RBMS3: variants seen among roughly 807,000 people sequenced by gnomAD.
RBMS3 encodes the protein RNA-binding motif, single-stranded-interacting protein 3.
RBMS3 carries 27 observed loss-of-function variants against 66.8 expected under a neutral mutation model. That is an observed-to-expected ratio of 0.40 (90% confidence interval 0.30 to 0.56). RBMS3 has a LOEUF of 0.56. RBMS3 is among the 20% of genes least tolerant of loss of function. The pLI, the probability that RBMS3 is intolerant of heterozygous loss-of-function variation, is 0.40. For missense variants in RBMS3, 513 were observed against 549.5 expected, an observed-to-expected ratio of 0.93 and a Z score of 0.66; for synonymous variants, 188 against 183.0, an observed-to-expected ratio of 1.03 and a Z score of -0.22.
intron 6 of RBMS3, among the ~76,000 whole-genome samples, chr3:29,781,535 G>A (rs1214593936): frequency 6.6e-5 from 10 of 152,044 alleles, no homozygotes; most frequent in Admixed American, 6.6e-4. Context: ...AAAAATTTTG[G>A]TATTATTAAT....
chr3:29,293,597 T>A (rs1325017545), intron 1 of RBMS3, among the ~76,000 whole-genome samples: 1 of 151,868 alleles, frequency 6.6e-6, no homozygotes, highest in East Asian at 1.9e-4. Flanking sequence ...CCAAATTCAT[T>A]GTATGCATTT....
At chr3:29,328,168 G>A (rs1420058751) in intron 1 of RBMS3, among the ~76,000 whole-genome samples, 1 of 152,078 alleles carries the variant, frequency 6.6e-6, no homozygotes, top group Non-Finnish European at 1.5e-5. Flanking sequence ...AACGTGGCAC[G>A]TTTAAATAGT....
intron 3 of RBMS3, among the ~76,000 whole-genome samples, chr3:29,543,088 C>T (rs1576175512): frequency 6.6e-6 from 1 of 152,088 alleles, no homozygotes; most frequent in Non-Finnish European, 1.5e-5. Context: ...GAGACCACCA[C>T]ATATGGGGAA....
At chr3:29,376,317 C>T (rs763146641) in intron 1 of RBMS3, among the ~76,000 whole-genome samples, 3 of 152,140 alleles carry the variant, frequency 2.0e-5, no homozygotes, top group Non-Finnish European at 4.4e-5. Flanking sequence ...ATGTAACACA[C>T]CTGCACATCC....
chr3:29,383,328 T>A (rs1320545289), intron 1 of RBMS3, among the ~76,000 whole-genome samples: 1 of 152,242 alleles, frequency 6.6e-6, no homozygotes, highest in East Asian at 1.9e-4. Flanking sequence ...TAGGAAGAAT[T>A]ACAATGCAGA....
intron 4 of RBMS3, among the ~76,000 whole-genome samples, chr3:29,734,995 T>G (rs2054315880): frequency 6.6e-6 from 1 of 152,118 alleles, no homozygotes; most frequent in Non-Finnish European, 1.5e-5. Context: ...TCCAGAGCAT[T>G]TAAATGTCAT....
chr3:29,435,328 C>T lies in RBMS3; in HGVS notation c.248+413C>T, dbSNP rs188512176. On this transcript the variant is annotated intron_variant, in intron 2 of 14. Transcript: ENST00000383767. ...GATTTCAGGATTACCTCTTGTGTTA[C>T]AAAGCTTTTCTGGCCAGTGCTTGGT... 3.2e-3 allele frequency among the ~76,000 whole-genome samples: 492 copies of T among 152,238 alleles called. 9 individuals carry two copies. Among genetic ancestry groups the T allele is most frequent in the Admixed American group, 0.029 (447 of 15,300 alleles).
chr3:29,576,330 CTT>C (rs1014568720), intron 3 of RBMS3, among the ~76,000 whole-genome samples: 1 of 152,162 alleles, frequency 6.6e-6, no homozygotes. Flanking sequence ...GAATCTCTGT[CTT>C]TGCGCTGAGT....
At chr3:29,510,320 G>A (rs966413470) in intron 3 of RBMS3, among the ~76,000 whole-genome samples, 20 of 151,860 alleles carry the variant, frequency 1.3e-4, no homozygotes, top group African/African-American at 4.4e-4. Flanking sequence ...CTCCCAACGC[G>A]CTATACTTAT....
At chr3:29,669,724 T>G (rs2050915529) in intron 4 of RBMS3, among the ~76,000 whole-genome samples, 1 of 152,188 alleles carries the variant, frequency 6.6e-6, no homozygotes, top group South Asian at 2.1e-4. Context: ...TCATTCCACT[T>G]TCTTCCTCCT....
chr3:29,943,935 T>C (rs953488936), intron 11 of RBMS3, among the ~76,000 whole-genome samples: 1 of 151,582 alleles, frequency 6.6e-6, no homozygotes, highest in Non-Finnish European at 1.5e-5. Flanking sequence ...CTAAGGGAGG[T>C]ACCAAACAGG....
intron 3 of RBMS3, among the ~76,000 whole-genome samples, chr3:29,499,217 G>A (rs1455784343): frequency 6.6e-6 from 1 of 152,106 alleles, no homozygotes; most frequent in Non-Finnish European, 1.5e-5. Flanking sequence ...TATGGTAAAA[G>A]CATCTAACAT....
chr3:29,459,542 G>A (rs992861246), intron 2 of RBMS3, among the ~76,000 whole-genome samples: 4 of 152,114 alleles, frequency 2.6e-5, no homozygotes, highest in African/African-American at 4.8e-5. Flanking sequence ...TTATCATCAT[G>A]AGAAATATTC....
At chr3:29,357,707 C>T (rs2037309814) in intron 1 of RBMS3, among the ~76,000 whole-genome samples, 1 of 152,132 alleles carries the variant, frequency 6.6e-6, no homozygotes, top group Non-Finnish European at 1.5e-5. Flanking sequence ...CTTTCCAGTA[C>T]CTGTTGTTTC....
At chr3:29,466,276 A>G (rs988897862) in intron 2 of RBMS3, among the ~76,000 whole-genome samples, 1 of 152,024 alleles carries the variant, frequency 6.6e-6, no homozygotes, top group African/African-American at 2.4e-5. Context: ...CTGACAAAGC[A>G]CATACCTGGA....
intron 2 of RBMS3, among the ~76,000 whole-genome samples, chr3:29,482,865 G>A (rs1007637821): frequency 6.6e-6 from 1 of 151,000 alleles, no homozygotes; most frequent in Non-Finnish European, 1.5e-5. Flanking sequence ...GCACCACCAC[G>A]CCCGGCTATT....
At chr3:29,783,154 A>G (rs1309380380) in intron 6 of RBMS3, among the ~76,000 whole-genome samples, 1 of 152,126 alleles carries the variant, frequency 6.6e-6, no homozygotes, top group Non-Finnish European at 1.5e-5. Context: ...AACTTTCTGG[A>G]CTTGCTAGAG....
intron 5 of RBMS3, among the ~76,000 whole-genome samples, chr3:29,747,374 C>CTATCTAGG (rs1559630842): frequency 6.9e-5 from 10 of 145,276 alleles, no homozygotes; most frequent in Admixed American, 3.6e-4. Flanking sequence ...ATCTATCTAT[C>CTATCTAGG]TAGGTAGGTA....
chr3:29,431,583 G>A (rs1447270403), intron 1 of RBMS3, among the ~76,000 whole-genome samples: 2 of 151,916 alleles, frequency 1.3e-5, no homozygotes, highest in African/African-American at 2.4e-5. Flanking sequence ...GAGCCACCGC[G>A]CCCAGCCAAA....
Sources: allele counts gnomAD v4.1 joint callset (sites outside exome capture counted in the v4.1 genomes callset), GRCh38; gene constraint gnomAD v4.1.1; transcripts MANE v1.5; gene names NCBI Gene and HGNC (gene_info 2026-07-23, HGNC 2026-07-21).